The following FOXN2 variants were observed in gnomAD, a reference collection of about 807,000 sequenced individuals.
FOXN2 encodes forkhead box N2.
A neutral mutation model predicts 41.2 loss-of-function variants in FOXN2; 19 were observed. The observed-to-expected ratio is 0.46, with a 90% CI of 0.32 to 0.68. The LOEUF (loss-of-function observed/expected upper bound fraction) is 0.68. FOXN2 is among the 30% of genes least tolerant of loss of function. The probability of loss-of-function intolerance (pLI) is 0.03; values close to 1 mark genes in which losing one functional copy is unlikely to be tolerated. For missense variants in FOXN2, 587 were observed against 509.4 expected, an observed-to-expected ratio of 1.15 and a Z score of -1.47; for synonymous variants, 195 against 176.8, an observed-to-expected ratio of 1.10 and a Z score of -0.82.
chr2:48,363,439 G>GA (rs1672330735), intron 5 of FOXN2, among the ~76,000 whole-genome samples: 1 of 151,996 alleles, frequency 6.6e-6, no homozygotes, highest in Non-Finnish European at 1.5e-5. Flanking sequence ...ATTGAAGAAA[G>GA]AAAAAATTAA....
chr2:48,361,456 G>C (rs1308564996), intron 4 of FOXN2, among the ~76,000 whole-genome samples: 1 of 147,734 alleles, frequency 6.8e-6, no homozygotes, highest in East Asian at 2.0e-4. Flanking sequence ...GACAGAGCGA[G>C]ACTGTGTCTC....
At chr2:48,348,699 A>C (rs1348436990) in intron 3 of FOXN2, among the ~76,000 whole-genome samples, 1 of 152,254 alleles carries the variant, frequency 6.6e-6, no homozygotes, top group Non-Finnish European at 1.5e-5. Flanking sequence ...TTGTGGTTGC[A>C]GTAATTACCA....
chr2:48,340,328 C>T (rs1670662868), intron 2 of FOXN2, among the ~76,000 whole-genome samples: 1 of 152,198 alleles, frequency 6.6e-6, no homozygotes, highest in South Asian at 2.1e-4. Flanking sequence ...GCATTTCTCT[C>T]TTACCAATGT....
Position 48,321,632 on chromosome 2 carries a change from T to G in FOXN2, c.-157+6818T>G, listed in dbSNP as rs137924912. Reference sequence around the variant, plus strand: ...TATGTGGTAAGGGTAAAAGTATTATTTAGTACATTTTATGTGGTAAGGGTA... The same window carrying G: ...TATGTGGTAAGGGTAAAAGTATTATGTAGTACATTTTATGTGGTAAGGGTA... On this transcript the variant is annotated intron_variant, in intron 1 of 6. Coordinates refer to ENST00000340553, the MANE Select transcript of FOXN2 (RefSeq NM_002158.4). 4.2e-3 allele frequency among the ~76,000 whole-genome samples: 643 copies of G among 152,218 alleles called. 7 individuals are homozygous for G. The highest frequency in any genetic ancestry group is 0.015 in the African/African-American group (603 of 41,518).
chr2:48,315,435 C>G (rs919720874), intron 1 of FOXN2, among the ~76,000 whole-genome samples: 1 of 152,178 alleles, frequency 6.6e-6, no homozygotes, highest in Non-Finnish European at 1.5e-5. Flanking sequence ...CCCTCTCGCC[C>G]CTCCACCGCC....
chr2:48,334,891 C>A (rs1670233839), intron 2 of FOXN2, among the ~76,000 whole-genome samples: 3 of 152,060 alleles, frequency 2.0e-5, no homozygotes, highest in African/African-American at 4.8e-5. Flanking sequence ...TACTGCAAAT[C>A]GAAAAAATGT....
chr2:48,368,519 C>T lies in FOXN2; in HGVS notation c.704-4773C>T, dbSNP rs1208448305. On this transcript the variant is annotated intron_variant, in intron 5 of 6. Transcript: ENST00000340553. ...ATCTCTAGGGCAACATGGTGAAACC[C>T]CATCTCTACCAAAAATATGAAAATT... Among the ~76,000 whole-genome samples, 3 of 152,156 alleles carry T rather than the reference C, an allele frequency of 2.0e-5. No individual in the cohort carries two copies. In the East Asian group the frequency reaches 5.8e-4, roughly 29 times the overall value.
At chr2:48,319,039 T>A (rs1323801887) in intron 1 of FOXN2, among the ~76,000 whole-genome samples, 1 of 152,226 alleles carries the variant, frequency 6.6e-6, no homozygotes, top group Non-Finnish European at 1.5e-5. Flanking sequence ...CCTGGGATAG[T>A]TTAATTACTG....
At chr2:48,370,218 A>G (rs931792560) in intron 5 of FOXN2, among the ~76,000 whole-genome samples, 3 of 151,978 alleles carry the variant, frequency 2.0e-5, no homozygotes, top group Non-Finnish European at 4.4e-5. Context: ...CTTTTTTCCA[A>G]CTCACACAGA....
intron 2 of FOXN2, among the ~76,000 whole-genome samples, chr2:48,336,493 T>C (rs1049934170): frequency 1.3e-5 from 2 of 151,018 alleles, no homozygotes; most frequent in African/African-American, 2.4e-5. Flanking sequence ...AGACTAAAGA[T>C]AACTGGATTT....
intron 3 of FOXN2, among the ~76,000 whole-genome samples, chr2:48,353,552 CTGTGTGTGTGTGTGTGTGTGTGTG>C (rs57528113): frequency 5.8e-4 from 75 of 128,916 alleles, no homozygotes; most frequent in Middle Eastern, 4.0e-3. Context: ...TCACTTAAGA[CTGTGTGTGTGTGTGTGTGTGTGTG>C]TGTGTGTGTG....
intron 5 of FOXN2, among the ~76,000 whole-genome samples, chr2:48,372,311 G>A (rs1279219506): frequency 1.3e-5 from 2 of 152,142 alleles, no homozygotes; most frequent in Non-Finnish European, 2.9e-5. Context: ...TCTAGTTGGA[G>A]AGAAAACAAG....
chr2:48,344,845 C>A (rs1007842971), intron 2 of FOXN2, among the ~76,000 whole-genome samples: 5 of 148,372 alleles, frequency 3.4e-5, no homozygotes, highest in Admixed American at 6.8e-5. Context: ...GAGGTACCCC[C>A]CCCCCCCAAT....
At chr2:48,353,721 A>AT (rs1345390200) in intron 3 of FOXN2, among the ~76,000 whole-genome samples, 19 of 151,868 alleles carry the variant, frequency 1.3e-4, no homozygotes, top group Admixed American at 5.9e-4. Context: ...TGGGTTTCTA[A>AT]TTTTTTGTTA....
chr2:48,360,425 A>C (rs926796471), intron 4 of FOXN2, among the ~76,000 whole-genome samples: 2 of 152,206 alleles, frequency 1.3e-5, no homozygotes, highest in Admixed American at 1.3e-4. Flanking sequence ...TCAACGTTTC[A>C]TATAGTGGTT....
intron 1 of FOXN2, among the ~76,000 whole-genome samples, chr2:48,315,877 A>G (rs1001770618): frequency 6.6e-6 from 1 of 151,984 alleles, no homozygotes; most frequent in Non-Finnish European, 1.5e-5. Flanking sequence ...TTTTCTCCCT[A>G]CTGGGAAAAA....
At chr2:48,315,454 G>C (rs1474725922) in intron 1 of FOXN2, among the ~76,000 whole-genome samples, 2 of 152,210 alleles carry the variant, frequency 1.3e-5, no homozygotes, top group East Asian at 3.9e-4. Flanking sequence ...CCTCGAGGGG[G>C]CCTCAGAGGG....
In FOXN2 at chr2:48,364,480, G is replaced by A. The variant is rs10177012; in HGVS notation, c.703+1773G>A. 7.9e-3 allele frequency among the ~76,000 whole-genome samples: 1,198 copies of A among 151,896 alleles called. 23 individuals carry two copies. Among genetic ancestry groups the A allele is most frequent in the African/African-American group, 0.028 (1,142 of 41,420 alleles). Reference sequence around the variant, plus strand: ...TACACTTGCATGCGTGTATGTACAGGGACACATACATAAACACACACATAC... The same window carrying A: ...TACACTTGCATGCGTGTATGTACAGAGACACATACATAAACACACACATAC... On this transcript the variant is annotated intron_variant, in intron 5 of 6. Coordinates refer to ENST00000340553, the MANE Select transcript of FOXN2 (RefSeq NM_002158.4).
intron 2 of FOXN2, among the ~76,000 whole-genome samples, chr2:48,342,858 T>C (rs1296254104): frequency 6.6e-6 from 1 of 152,242 alleles, no homozygotes; most frequent in Non-Finnish European, 1.5e-5. Flanking sequence ...TGTCAATACT[T>C]GGTTTTTAAA....
Sources: gnomAD v4.1 joint callset for allele counts (sites outside exome capture counted in the v4.1 genomes callset) on GRCh38, gnomAD v4.1.1 for gene constraint, MANE v1.5 for transcripts, NCBI Gene and HGNC (gene_info 2026-07-23, HGNC 2026-07-21) for gene names.